The following TMEM232 variants were observed in gnomAD, a reference collection of about 807,000 sequenced individuals.
TMEM232 encodes the protein transmembrane protein 232.
Under a neutral mutation model 78.8 loss-of-function variants are expected in TMEM232, and 80 were observed. The observed-to-expected ratio is 1.01, with a 90% CI of 0.85 to 1.22. TMEM232 has a LOEUF of 1.22. Ranked by LOEUF, TMEM232 falls within the 50% of genes most tolerant of loss-of-function variation. The pLI is 0.00. For synonymous variants in TMEM232, 297 were observed against 254.3 expected, an observed-to-expected ratio of 1.17 and a Z score of -1.60; for missense variants, 881 against 742.2, an observed-to-expected ratio of 1.19 and a Z score of -2.17.
At chr5:110,599,334 T>C (rs989901162) in intron 10 of TMEM232, among the ~76,000 whole-genome samples, 1 of 152,096 alleles carries the variant, frequency 6.6e-6, no homozygotes, top group Non-Finnish European at 1.5e-5. Flanking sequence ...TAACCTTAAA[T>C]GTTAATAGGC....
chr5:110,650,969 T>C (rs1351471472), intron 2 of TMEM232, among the ~76,000 whole-genome samples: 1 of 152,154 alleles, frequency 6.6e-6, no homozygotes, highest in Admixed American at 6.6e-5. Context: ...ACAATAAATG[T>C]ATTTTACAAA....
intron 12 of TMEM232, among the ~76,000 whole-genome samples, chr5:110,498,698 G>T (rs1165553135): frequency 2.0e-5 from 3 of 152,058 alleles, no homozygotes; most frequent in Non-Finnish European, 4.4e-5. Flanking sequence ...AATACTCAAG[G>T]GGAAACTTAC....
intron 11 of TMEM232, among the ~76,000 whole-genome samples, chr5:110,533,851 C>T (rs1257156033): frequency 6.6e-6 from 1 of 152,148 alleles, no homozygotes; most frequent in Non-Finnish European, 1.5e-5. Context: ...CGCCACACAC[C>T]AGCAAAGGCA....
At chr5:110,663,297 A>G (rs950720328) in intron 2 of TMEM232, among the ~76,000 whole-genome samples, 2 of 152,106 alleles carry the variant, frequency 1.3e-5, no homozygotes, top group African/African-American at 2.4e-5. Flanking sequence ...AATTAAAGGC[A>G]CAACAAAAAC....
At chr5:110,500,475 C>T (rs571357352) in intron 12 of TMEM232, among the ~76,000 whole-genome samples, 129 of 151,754 alleles carry the variant, frequency 8.5e-4, no homozygotes, top group South Asian at 7.3e-3. Flanking sequence ...AAATAAGAAA[C>T]TACAAAGAAA....
intron 2 of TMEM232, among the ~76,000 whole-genome samples, chr5:110,401,907 C>T (rs1044720959): frequency 2.0e-5 from 3 of 152,034 alleles, no homozygotes; most frequent in African/African-American, 7.2e-5. Context: ...ATTTAAAGGG[C>T]ATATATTCTT....
At chr5:110,519,239 T>C (rs1230347952) in intron 12 of TMEM232, among the ~76,000 whole-genome samples, 9 of 152,164 alleles carry the variant, frequency 5.9e-5, no homozygotes, top group Non-Finnish European at 1.3e-4. Context: ...AAGGCAGGAC[T>C]TCCAACAATC....
intron 8 of TMEM232, chr5:110,610,500 G>C (rs903288728): frequency 4.4e-6 from 2 of 455,300 alleles, no homozygotes; most frequent in Admixed American, 2.4e-5. Flanking sequence ...GTCAATACAA[G>C]ACCTTGAAAA....
chr5:110,733,062 A>G (rs1798828478), intron 2 of TMEM232, among the ~76,000 whole-genome samples: 1 of 152,254 alleles, frequency 6.6e-6, no homozygotes, highest in Non-Finnish European at 1.5e-5. Flanking sequence ...GCCAACATGT[A>G]TATGAAAAAA....
At chr5:110,517,885 C>T (rs923112390) in intron 12 of TMEM232, among the ~76,000 whole-genome samples, 2 of 152,164 alleles carry the variant, frequency 1.3e-5, no homozygotes, top group African/African-American at 4.8e-5. Context: ...TCAAAGCCTA[C>T]AGGACTTTTT....
At chr5:110,679,707 CATA>C (rs201678713) in intron 1 of TMEM232, among the ~76,000 whole-genome samples, 1,791 of 151,706 alleles carry the variant, frequency 0.012, 45 homozygotes, top group African/African-American at 0.04. Flanking sequence ...AAGTTATGAG[CATA>C]ATATTTATCT....
chr5:110,530,640 C>T (rs1380805535), intron 11 of TMEM232, among the ~76,000 whole-genome samples: 1 of 152,104 alleles, frequency 6.6e-6, no homozygotes, highest in Non-Finnish European at 1.5e-5. Flanking sequence ...AAGACAAATA[C>T]CACATGATCT....
rs543953140 is a variant in TMEM232 at position 110,412,748 on chromosome 5, T to C, written n.308+12075A>G. 3.9e-5 allele frequency among the ~76,000 whole-genome samples: 6 copies of C among 152,322 alleles called. No homozygotes were observed. The South Asian group carries it at 8.3e-4, about 21-fold the overall frequency. Reference sequence around the variant, plus strand: ...TCAAATGGAAAGATACTAGGACCCATTGTTATTTGATACTGTAACTTATCC... The same window carrying C: ...TCAAATGGAAAGATACTAGGACCCACTGTTATTTGATACTGTAACTTATCC... On this transcript the variant is annotated intron_variant and non_coding_transcript_variant, in intron 2 of 8. Transcript: ENST00000507188.
In TMEM232 at chr5:110,621,960, C is replaced by T. The variant is rs543305932; in HGVS notation, c.768+3307G>A. Among the ~76,000 whole-genome samples the T allele has an allele frequency of 3.1e-3, 471 of 152,280 alleles. 3 individuals are homozygous for T. Among genetic ancestry groups the T allele is most frequent in the African/African-American group, 0.011 (447 of 41,564 alleles). On this transcript the variant is annotated intron_variant, in intron 7 of 13. Coordinates refer to ENST00000455884, the MANE Select transcript of TMEM232 (RefSeq NM_001039763.4). ...AAGTACATAAATTATGAGTGTCTGA[C>T]TAGGCTCTCTTTTATAATAGAAATG...
intron 11 of TMEM232, among the ~76,000 whole-genome samples, chr5:110,563,052 G>A (rs920882276): frequency 3.3e-5 from 5 of 151,842 alleles, no homozygotes; most frequent in African/African-American, 1.2e-4. Flanking sequence ...CAATATAACT[G>A]CTTTTAGAAA....
At chr5:110,638,889 A>G (rs1786277542) in intron 4 of TMEM232, among the ~76,000 whole-genome samples, 1 of 152,204 alleles carries the variant, frequency 6.6e-6, no homozygotes, top group Non-Finnish European at 1.5e-5. Context: ...GCGAAAGATA[A>G]AAAGGGAATA....
intron 1 of TMEM232, among the ~76,000 whole-genome samples, chr5:110,670,677 T>G (rs1038061096): frequency 1.3e-5 from 2 of 152,108 alleles, no homozygotes; most frequent in African/African-American, 4.8e-5. Flanking sequence ...CCATCCAGAC[T>G]GGGTCTAACT....
intron 2 of TMEM232, among the ~76,000 whole-genome samples, chr5:110,653,148 C>A (rs1452043242): frequency 1.3e-5 from 2 of 152,188 alleles, no homozygotes; most frequent in Non-Finnish European, 2.9e-5. Flanking sequence ...AGTTCCCATT[C>A]TGGGAGGGAA....
chr5:110,578,240 T>A (rs1049583629), intron 10 of TMEM232, among the ~76,000 whole-genome samples: 4 of 151,924 alleles, frequency 2.6e-5, no homozygotes, highest in African/African-American at 9.7e-5. Flanking sequence ...CTAAATTTAT[T>A]CTACCAAGAG....
Sources: allele counts gnomAD v4.1 joint callset (sites outside exome capture counted in the v4.1 genomes callset), GRCh38; gene constraint gnomAD v4.1.1; transcripts MANE v1.5; gene names NCBI Gene and HGNC (gene_info 2026-07-23, HGNC 2026-07-21).